The following CRYM variants were observed in gnomAD, a reference collection of about 807,000 sequenced individuals.
CRYM encodes the protein crystallin mu.
In CRYM, 18 loss-of-function variants were observed where a neutral mutation model predicts 32.9. That is an observed-to-expected ratio of 0.55 (90% CI 0.38 to 0.81). The LOEUF (loss-of-function observed/expected upper bound fraction) is 0.81, where lower values mean the gene tolerates loss of function less well. Among genes scored for constraint, CRYM ranks in the 30% least tolerant of loss-of-function variants. CRYM has a pLI of 0.00. For synonymous variants in CRYM, 153 were observed against 152.4 expected (o/e 1.00, Z -0.03); for missense variants, 337 against 393.5 (o/e 0.86, Z 1.21).
intron 3 of CRYM, among the ~76,000 whole-genome samples, chr16:21,271,658 A>C (rs1418169764): frequency 6.6e-6 from 1 of 152,190 alleles, no homozygotes; most frequent in Non-Finnish European, 1.5e-5. Context: ...AAGGATAATT[A>C]GATTTTTTTC....
intron 6 of CRYM, 38 bp downstream of exon 6, chr16:21,261,999 C>T: frequency 6.2e-7 from 1 of 1,612,676 alleles, no homozygotes; most frequent in Non-Finnish European, 8.5e-7. Context: ...GTGAGGCCAG[C>T]CAGGTGGCAG....
chr16:21,264,357 C>T (rs147161768), intron 5 of CRYM, among the ~76,000 whole-genome samples: 19 of 152,288 alleles, frequency 1.2e-4, no homozygotes, highest in African/African-American at 4.3e-4. Context: ...CGGGCGAGTT[C>T]TCAAAGGGTT....
At position 21,270,359 on chromosome 16, in the gene CRYM, T is replaced by C. The variant is rs141928170; in HGVS notation, c.388-468A>G. 3.4e-4 allele frequency among the ~76,000 whole-genome samples: 51 copies of C among 152,144 alleles called. 1 individual carries two copies. The East Asian group carries it at 6.4e-3, about 19-fold the overall frequency. ...AGTGCAGTGGCACGATCTTGGCTCA[T>C]TGCAACCTCTGCCTCCTGGGTTCCA... On this transcript the variant is annotated intron_variant, in intron 3 of 7. Transcript: ENST00000572914.
At chr16:21,279,673 G>C (rs2093394753), upstream of CRYM, among the ~76,000 whole-genome samples, 1 of 152,240 alleles carries the variant, frequency 6.6e-6, no homozygotes, top group African/African-American at 2.4e-5. Context: ...AGATGAGCGA[G>C]AGCAGAGCCT....
chr16:21,301,763 G>C (rs147391083), intron 1 of CRYM, among the ~76,000 whole-genome samples: 4,249 of 152,272 alleles, frequency 0.028, 84 homozygotes, highest in Middle Eastern at 0.062. Context: ...GTCCGCGCGA[G>C]GGCCAGGCTG....
upstream of CRYM, chr16:21,278,353 T>G: frequency 6.9e-7 from 1 of 1,443,390 alleles, no homozygotes. Context: ...AGCCGCCTGC[T>G]GGTCACAGCC....
intron 1 of CRYM, among the ~76,000 whole-genome samples, chr16:21,292,197 AAATG>A (rs1413506185): frequency 1.3e-5 from 2 of 152,250 alleles, no homozygotes; most frequent in South Asian, 2.1e-4. Context: ...TCAGCAATAA[AAATG>A]AATGATCTAC....
chr16:21,287,411 CT>C (rs1389777065), intron 1 of CRYM, among the ~76,000 whole-genome samples: 1 of 152,210 alleles, frequency 6.6e-6, no homozygotes, highest in Non-Finnish European at 1.5e-5. Flanking sequence ...CTTGGAATTT[CT>C]GGAATGAATG....
intron 1 of CRYM, among the ~76,000 whole-genome samples, chr16:21,291,378 G>C (rs956883672): frequency 2.0e-5 from 3 of 152,038 alleles, no homozygotes; most frequent in Non-Finnish European, 2.9e-5. Context: ...CAGAGCTACT[G>C]GTAGTCAATT....
chr16:21,290,130 C>T (rs1183326927), intron 1 of CRYM, among the ~76,000 whole-genome samples: 1 of 152,088 alleles, frequency 6.6e-6, no homozygotes, highest in Admixed American at 6.5e-5. Context: ...AAAAGCTGGC[C>T]ACCAGAGCCA....
At chr16:21,302,829 A>G (rs1218552778) in intron 1 of CRYM, 1 of 152,276 alleles carries the variant, frequency 6.6e-6, no homozygotes, top group Non-Finnish European at 1.5e-5. Context: ...GGCTATTAAA[A>G]AGAGTTACAG....
intron 1 of CRYM, among the ~76,000 whole-genome samples, chr16:21,287,021 C>T (rs1018213888): frequency 2.0e-5 from 3 of 150,760 alleles, no homozygotes; most frequent in South Asian, 2.1e-4. Context: ...ACCCAGGAGG[C>T]GGAGTTTGCA....
intron 5 of CRYM, among the ~76,000 whole-genome samples, chr16:21,267,304 AC>A (rs1175340609): frequency 1.3e-5 from 2 of 151,912 alleles, no homozygotes; most frequent in Non-Finnish European, 2.9e-5. Context: ...TGCCATGTTG[AC>A]CAGGTTAGTC....
chr16:21,287,076 C>T (rs1299434436), intron 1 of CRYM, among the ~76,000 whole-genome samples: 23 of 146,744 alleles, frequency 1.6e-4, no homozygotes, highest in African/African-American at 4.8e-4. Flanking sequence ...GGCGACAGAG[C>T]GAGACTCCGT....
intron 6 of CRYM, chr16:21,261,684 G>A (rs985566876): frequency 3.3e-5 from 15 of 458,892 alleles, no homozygotes; most frequent in South Asian, 4.4e-5. Flanking sequence ...GATTATAACC[G>A]TAAAATGAGG....
rs775866723 is a variant in CRYM, at chr16:21,272,025, A to ATT, written c.388-2136_388-2135dup. ...AGGTATGTGCCACCATACTTGGCTA[A>ATT]TTTTTTTTTTTTTTTTTGGTAAAGA... On this transcript the variant is annotated intron_variant, in intron 3 of 7. Transcript: ENST00000572914. Among the ~76,000 whole-genome samples the ATT allele has an allele frequency of 9.0e-5, 12 of 133,794 alleles. No homozygotes were observed. In the South Asian group the frequency reaches 1.4e-3, roughly 16 times the overall value. The allele number at this position is 133,794 out of a possible 152,430, so 87.8% of individuals were successfully genotyped here. A position where few individuals can be genotyped will look rare whatever the true frequency, so the allele number is the denominator to read the frequency against.
chr16:21,287,033 T>C (rs1375451256), intron 1 of CRYM, among the ~76,000 whole-genome samples: 5 of 150,314 alleles, frequency 3.3e-5, no homozygotes, highest in Non-Finnish European at 5.9e-5. Context: ...GAGTTTGCAG[T>C]GAGCCAAGAT....
At chr16:21,269,143 C>CAAAAA (rs35798113) in intron 4 of CRYM, among the ~76,000 whole-genome samples, 1 of 78,474 alleles carries the variant, frequency 1.3e-5, no homozygotes. Flanking sequence ...GACTCCATTT[C>CAAAAA]AAAAAAAAAA....
chr16:21,275,305 T>C (rs1195037428), intron 3 of CRYM, among the ~76,000 whole-genome samples: 1 of 152,220 alleles, frequency 6.6e-6, no homozygotes, highest in Non-Finnish European at 1.5e-5. Flanking sequence ...TCAAGACTGA[T>C]GGGAAGATTG....
Sources: gnomAD v4.1 joint callset for allele counts (sites outside exome capture counted in the v4.1 genomes callset) on GRCh38, gnomAD v4.1.1 for gene constraint, MANE v1.5 for transcripts, NCBI Gene and HGNC (gene_info 2026-07-23, HGNC 2026-07-21) for gene names.